The following CTNNA1 variants were observed in gnomAD, a reference collection of about 807,000 sequenced individuals.
CTNNA1 encodes catenin alpha 1.
In CTNNA1, 37 loss-of-function variants were observed where a neutral mutation model predicts 98.4. The observed-to-expected ratio is 0.38, with a 90% CI of 0.29 to 0.49. The LOEUF is 0.49. Among genes scored for constraint, CTNNA1 ranks in the 20% least tolerant of loss-of-function variants. The pLI is 0.95. For missense variants in CTNNA1, 761 were observed against 1,147.2 expected, an observed-to-expected ratio of 0.66 and a Z score of 4.86; for synonymous variants, 404 against 413.2, an observed-to-expected ratio of 0.98 and a Z score of 0.27.
intron 16 of CTNNA1, chr5:138,931,827 A>C: frequency 1.0e-6 from 1 of 985,524 alleles, no homozygotes. Flanking sequence ...GTCTCAGTTC[A>C]TACCACTCTC....
chr5:138,897,557 T>C (rs551009128), intron 9 of CTNNA1, among the ~76,000 whole-genome samples: 2 of 152,248 alleles, frequency 1.3e-5, no homozygotes, highest in Admixed American at 6.5e-5. Flanking sequence ...TAGGCTGATA[T>C]TCTGGCAAAA....
Position 138,832,394 on chromosome 5 carries a change from G to A in CTNNA1, c.1062+4676G>A, listed in dbSNP as rs1761354390. On this transcript the variant is annotated intron_variant, in intron 7 of 17. Coordinates refer to ENST00000302763, the MANE Select transcript of CTNNA1 (RefSeq NM_001903.5). ...TTGTAGTTTCAGAGATGACTTCCAG[G>A]TTTCCTTGAAATGAAATGTGGTTAT... Among the ~76,000 whole-genome samples, 2 of 152,266 alleles carry A rather than the reference G, an allele frequency of 1.3e-5. 1 individual carries two copies. The highest frequency in any genetic ancestry group is 4.1e-4 in the South Asian group (2 of 4,824).
At chr5:138,783,128 T>G in intron 2 of CTNNA1, 49 bp from the exon 3 acceptor site, 1 of 1,412,762 alleles carries the variant, frequency 7.1e-7, no homozygotes, top group South Asian at 1.4e-5. Flanking sequence ...AAGATATTAG[T>G]TTGTCATTTT....
intron 17 of CTNNA1, chr5:138,933,077 T>G: frequency 1.5e-6 from 1 of 686,404 alleles, no homozygotes; most frequent in Admixed American, 2.0e-5. Flanking sequence ...GAGGTTGCAG[T>G]GAGCCGAGAT....
Position 138,934,422 on chromosome 5 carries a change from A to G in CTNNA1, c.*333A>G, listed in dbSNP as rs910222691. Reference sequence around the variant, plus strand: ...TTAGTGATGGCGGCGTTAGGGTTTGAGAGAAGGGAATTTGGCTCAACTTCA... The same window carrying G: ...TTAGTGATGGCGGCGTTAGGGTTTGGGAGAAGGGAATTTGGCTCAACTTCA... On this transcript the variant is annotated 3_prime_UTR_variant, in exon 18 of 18. Coordinates refer to ENST00000302763, the MANE Select transcript of CTNNA1 (RefSeq NM_001903.5). The G allele has an allele frequency of 3.9e-6, 1 of 257,554 alleles. No individual in the cohort carries two copies. 16.0% of individuals were successfully genotyped at this position (257,554 alleles called of 1,614,324 possible).
chr5:138,803,196 T>C (rs956827026), intron 3 of CTNNA1, among the ~76,000 whole-genome samples: 5 of 151,572 alleles, frequency 3.3e-5, no homozygotes, highest in Non-Finnish European at 7.4e-5. Flanking sequence ...CTGTCACCCA[T>C]GCGCTGGAGT....
At chr5:138,781,853 G>T in intron 1 of CTNNA1, 70 bp from the exon 2 acceptor site, 1 of 1,411,924 alleles carries the variant, frequency 7.1e-7, no homozygotes, top group African/African-American at 1.5e-5. Flanking sequence ...CCCAAAGTAG[G>T]AGAAGATTTG....
At chr5:138,776,682 C>G (rs1410475542) in intron 1 of CTNNA1, among the ~76,000 whole-genome samples, 1 of 150,958 alleles carries the variant, frequency 6.6e-6, no homozygotes, top group East Asian at 2.0e-4. Context: ...GGCTGACCCC[C>G]CCACCTCCCT....
At chr5:138,793,821 T>C (rs1756629784) in intron 3 of CTNNA1, among the ~76,000 whole-genome samples, 1 of 152,312 alleles carries the variant, frequency 6.6e-6, no homozygotes, top group South Asian at 2.1e-4. Flanking sequence ...TGAATATGTG[T>C]GTTACTTTAT....
At chr5:138,905,833 C>G (rs543876653) in intron 10 of CTNNA1, among the ~76,000 whole-genome samples, 13 of 152,354 alleles carry the variant, frequency 8.5e-5, no homozygotes, top group African/African-American at 2.9e-4. Flanking sequence ...TCTCCACTTT[C>G]CCATGTGTAA....
chr5:138,773,125 G>C (rs1380003412), intron 1 of CTNNA1, among the ~76,000 whole-genome samples: 1 of 152,156 alleles, frequency 6.6e-6, no homozygotes, highest in Non-Finnish European at 1.5e-5. Context: ...AATCCTTTTA[G>C]GATTGGGATC....
intron 7 of CTNNA1, among the ~76,000 whole-genome samples, chr5:138,866,044 C>T (rs766721107): frequency 6.6e-6 from 1 of 152,054 alleles, no homozygotes; most frequent in African/African-American, 2.4e-5. Flanking sequence ...GGTGTGGTGG[C>T]GAACGCCTGT....
intron 1 of CTNNA1, among the ~76,000 whole-genome samples, chr5:138,759,062 C>CA (rs1471081189): frequency 4.6e-5 from 7 of 152,194 alleles, no homozygotes; most frequent in Admixed American, 4.6e-4. Context: ...CTTGGCTTCC[C>CA]AAAGTACTGG....
chr5:138,890,647 C>T (rs910015205), intron 9 of CTNNA1, among the ~76,000 whole-genome samples: 20 of 152,296 alleles, frequency 1.3e-4, no homozygotes, highest in African/African-American at 3.9e-4. Context: ...AGAAGCTCCA[C>T]TGAGTTTCAG....
At chr5:138,808,398 G>A (rs896865728) in intron 3 of CTNNA1, among the ~76,000 whole-genome samples, 2 of 152,034 alleles carry the variant, frequency 1.3e-5, no homozygotes, top group Admixed American at 6.5e-5. Flanking sequence ...TTAATGTTAC[G>A]AATCCACATA....
At chr5:138,921,898 A>C (rs893726738) in intron 11 of CTNNA1, among the ~76,000 whole-genome samples, 1 of 152,066 alleles carries the variant, frequency 6.6e-6, no homozygotes, top group Middle Eastern at 3.4e-3. Context: ...CCATGTAATC[A>C]AAAATCACCC....
chr5:138,809,824 A>G (rs1264112229), intron 3 of CTNNA1, among the ~76,000 whole-genome samples: 1 of 152,100 alleles, frequency 6.6e-6, no homozygotes, highest in African/African-American at 2.4e-5. Flanking sequence ...CACTTTCCAG[A>G]TATTTTGCTT....
chr5:138,824,478 G>A, intron 5 of CTNNA1, 52 bp from the exon 6 acceptor site: 1 of 1,586,514 alleles, frequency 6.3e-7, no homozygotes, highest in Admixed American at 1.7e-5. Flanking sequence ...TTTTATATGA[G>A]TAAAGCCCAT....
intron 7 of CTNNA1, among the ~76,000 whole-genome samples, chr5:138,882,824 T>TTTTG (rs1027092952): frequency 1.3e-5 from 2 of 152,164 alleles, no homozygotes; most frequent in African/African-American, 2.4e-5. Context: ...AGAATCTTGT[T>TTTTG]TTTGTTTGTT....
Sources: gnomAD v4.1 joint callset for allele counts (sites outside exome capture counted in the v4.1 genomes callset) on GRCh38, gnomAD v4.1.1 for gene constraint, MANE v1.5 for transcripts, NCBI Gene and HGNC (gene_info 2026-07-23, HGNC 2026-07-21) for gene names.